Variants in RUNX1 observed in about 807,000 individuals in gnomAD.
RUNX1 encodes the protein RUNX family transcription factor 1.
RUNX1 carries 19 observed loss-of-function variants against 42.8 expected under a neutral mutation model. That is an observed-to-expected ratio of 0.44 (90% CI 0.31 to 0.65). The LOEUF (loss-of-function observed/expected upper bound fraction) is 0.65, where lower values mean the gene tolerates loss of function less well. Ranked by LOEUF, RUNX1 falls within the 30% of genes least tolerant of loss-of-function variation. RUNX1 has a pLI of 0.07. For missense variants in RUNX1, 528 were observed against 672.0 expected (o/e 0.79, Z 2.37); for synonymous variants, 271 against 289.4 (o/e 0.94, Z 0.64).
intron 2 of RUNX1, among the ~76,000 whole-genome samples, chr21:35,022,886 A>ATAATAATAATAATAATAATATATTATT: frequency 1.6e-5 from 1 of 64,344 alleles, no homozygotes; most frequent in African/African-American, 5.1e-5. Context: ...CATGAATGAT[A>ATAATAATAATAATAATAATATATTATT]CTCTGTTTGA....
chr21:35,046,974 C>G (rs1226096465), intron 2 of RUNX1, among the ~76,000 whole-genome samples: 1 of 152,110 alleles, frequency 6.6e-6, no homozygotes. Flanking sequence ...GGCACAGGAG[C>G]CCTGGGCTTG....
intron 6 of RUNX1, among the ~76,000 whole-genome samples, chr21:34,838,710 A>T (rs1469523538): frequency 1.3e-5 from 2 of 152,102 alleles, no homozygotes; most frequent in Non-Finnish European, 2.9e-5. Context: ...AGAACAGCTT[A>T]CTTTTCCTGG....
intron 5 of RUNX1, among the ~76,000 whole-genome samples, chr21:34,871,851 T>G (rs2057742384): frequency 6.6e-6 from 1 of 151,848 alleles, no homozygotes; most frequent in African/African-American, 2.4e-5. Context: ...TATCACTTTT[T>G]TTTTTTTTTT....
chr21:34,996,784 A>C (rs117361029), intron 2 of RUNX1, among the ~76,000 whole-genome samples: 3,631 of 152,240 alleles, frequency 0.024, 66 homozygotes, highest in Middle Eastern at 0.062. Context: ...GTTCTGCAGC[A>C]CAACATTCCT....
At chr21:35,046,157 C>T (rs1280308458) in intron 2 of RUNX1, among the ~76,000 whole-genome samples, 1 of 152,128 alleles carries the variant, frequency 6.6e-6, no homozygotes, top group African/African-American at 2.4e-5. Flanking sequence ...ATCTTGTCTT[C>T]CTTCCTAAGC....
rs2056418058 is a variant in RUNX1 at position 34,790,276 on chromosome 21, T to C, written c.*1859A>G. ...ACAAGTTGTTTTAAATAAGTCCAGC[T>C]GTTTTTGCTGCCTGCAGCCAAAGAT... On this transcript the variant is annotated 3_prime_UTR_variant, in exon 9 of 9. Transcript: ENST00000675419. 4.3e-6 allele frequency: 1 copy of C among 233,460 alleles called. No homozygotes were observed. Among genetic ancestry groups the C allele is most frequent in the South Asian group, 1.8e-4 (1 of 5,530 alleles). 14.5% of individuals were successfully genotyped at this position (233,460 alleles called of 1,614,324 possible). A position where few individuals can be genotyped will look rare whatever the true frequency, so the allele number is the denominator to read the frequency against.
chr21:34,854,062 C>T (rs2057462582), intron 6 of RUNX1, among the ~76,000 whole-genome samples: 1 of 152,206 alleles, frequency 6.6e-6, no homozygotes, highest in Non-Finnish European at 1.5e-5. Flanking sequence ...GAGCCGCCCG[C>T]ATTGGCCTCC....
intron 2 of RUNX1, among the ~76,000 whole-genome samples, chr21:34,951,272 C>T (rs1402626660): frequency 5.3e-5 from 8 of 152,222 alleles, no homozygotes. Context: ...ACTTGAGAAG[C>T]TGCATGGAAT....
At chr21:34,849,787 A>G (rs549713445) in intron 6 of RUNX1, among the ~76,000 whole-genome samples, 1 of 151,586 alleles carries the variant, frequency 6.6e-6, no homozygotes, top group Non-Finnish European at 1.5e-5. Context: ...CCTTCTCTAA[A>G]AGTTGCCTTT....
At chr21:34,810,729 A>G (rs1183200153) in intron 7 of RUNX1, among the ~76,000 whole-genome samples, 1 of 152,130 alleles carries the variant, frequency 6.6e-6, no homozygotes, top group Non-Finnish European at 1.5e-5. Context: ...CCTCTGCCCG[A>G]TATTGTCAAT....
intron 2 of RUNX1, among the ~76,000 whole-genome samples, chr21:34,948,916 T>G (rs955660054): frequency 1.3e-5 from 2 of 151,866 alleles, no homozygotes; most frequent in East Asian, 1.9e-4. Context: ...CAGCTACTTT[T>G]TGTGTGTGTG....
At position 34,866,099 on chromosome 21, in the gene RUNX1, ATCT is replaced by A. The variant is rs1407466758; in HGVS notation, c.509-6524_509-6522del. 4.6e-5 allele frequency among the ~76,000 whole-genome samples: 7 copies of A among 152,238 alleles called. No homozygotes were observed. The East Asian group carries it at 5.8e-4, about 13-fold the overall frequency. ...TAGTGTAGGTCTGTAAGCATGAGTC[ATCT>A]TCTTCTTTTGGGGACAGTTTCAGGG... On this transcript the variant is annotated intron_variant, in intron 5 of 8. Transcript: ENST00000675419.
intron 2 of RUNX1, among the ~76,000 whole-genome samples, chr21:34,928,669 G>A (rs111275792): frequency 0.087 from 12,979 of 148,586 alleles, 864 homozygotes; most frequent in African/African-American, 0.19. Flanking sequence ...GACAGAGTGC[G>A]ACTCCATCTT....
intron 2 of RUNX1, chr21:35,038,735 TC>T (rs112727526): frequency 8.3e-5 from 38 of 456,096 alleles, no homozygotes; most frequent in African/African-American, 4.6e-4. Flanking sequence ...AGCATATATA[TC>T]CCTAATGGGA....
chr21:34,992,616 A>C (rs542722632), intron 2 of RUNX1, among the ~76,000 whole-genome samples: 1 of 152,038 alleles, frequency 6.6e-6, no homozygotes, highest in Non-Finnish European at 1.5e-5. Flanking sequence ...GGTATAAAGA[A>C]AAACTCCCCT....
intron 2 of RUNX1, among the ~76,000 whole-genome samples, chr21:34,915,778 C>T (rs1227860170): frequency 6.6e-6 from 1 of 152,054 alleles, no homozygotes; most frequent in Non-Finnish European, 1.5e-5. Flanking sequence ...TCCATTTTTC[C>T]TAGGTCAGTG....
rs1231197593 is a variant in RUNX1, at chr21:34,901,661, A to C, written c.59-8698T>G. 6.6e-6 allele frequency among the ~76,000 whole-genome samples: 1 copy of C among 152,304 alleles called. No individual in the cohort carries two copies. The highest frequency in any genetic ancestry group is 1.9e-4 in the East Asian group (1 of 5,188). On this transcript the variant is annotated intron_variant, in intron 2 of 8. Coordinates refer to ENST00000675419, the MANE Select transcript of RUNX1 (RefSeq NM_001754.5). The surrounding 1 kb of genome is among the most constrained non-coding windows in gnomAD (Gnocchi z 4.3). The stretch of plus-strand genomic sequence containing the variant: ...CTCTTTGGTGTGGGCCCTTCTCCAC[A>C]TGCTCTTTGGTTCCGTCAGCTACAG...
intron 6 of RUNX1, among the ~76,000 whole-genome samples, chr21:34,852,926 A>G (rs1164389318): frequency 1.3e-5 from 2 of 152,178 alleles, no homozygotes; most frequent in Non-Finnish European, 2.9e-5. Context: ...AGATCCATAA[A>G]ACCATCTGAC....
Position 34,878,789 on chromosome 21 carries a change from A to G in RUNX1, c.508+1768T>C, listed in dbSNP as rs986603652. 3.3e-5 allele frequency among the ~76,000 whole-genome samples: 5 copies of G among 152,164 alleles called. No individual in the cohort carries two copies. The East Asian group carries it at 9.6e-4, about 29-fold the overall frequency. On this transcript the variant is annotated intron_variant, in intron 5 of 8. Transcript: ENST00000675419. Reference sequence around the variant, plus strand: ...CCATCAATGCCAGAAAAGAAAGCACACTGCTTTCAAAATCTCATTTTTTTA... The same window carrying G: ...CCATCAATGCCAGAAAAGAAAGCACGCTGCTTTCAAAATCTCATTTTTTTA...
Sources: gnomAD v4.1 joint callset for allele counts (sites outside exome capture counted in the v4.1 genomes callset) on GRCh38, gnomAD v4.1.1 for gene constraint, Gnocchi (gnomAD v3.1) non-coding constraint, MANE v1.5 for transcripts, NCBI Gene and HGNC (gene_info 2026-07-23, HGNC 2026-07-21) for gene names.